Variants in USH1C observed in about 807,000 individuals in gnomAD.
USH1C encodes harmonin.
USH1C carries 90 observed loss-of-function variants against 119.3 expected under a neutral mutation model. The ratio of observed to expected loss-of-function variants is 0.75; its 90% CI spans 0.64 to 0.90. The LOEUF (loss-of-function observed/expected upper bound fraction) is 0.90, where lower values mean the gene tolerates loss of function less well. Ranked by LOEUF, USH1C falls within the 40% of genes least tolerant of loss-of-function variation. USH1C has a pLI of 0.00. For missense variants in USH1C, 1,165 were observed against 1,167.7 expected (o/e 1.00, Z 0.03); for synonymous variants, 465 against 443.3 (o/e 1.05, Z -0.62).
At chr11:17,543,730 G>T (rs1851572075) in intron 1 of USH1C, among the ~76,000 whole-genome samples, 1 of 152,056 alleles carries the variant, frequency 6.6e-6, no homozygotes, top group South Asian at 2.1e-4. Context: ...ACCGCACCCG[G>T]GTCAGCACCA....
chr11:17,496,675 G>T lies in USH1C; in HGVS notation c.2546+83C>A, dbSNP rs905789779. The T allele has an allele frequency of 2.6e-6, 4 of 1,556,348 alleles. No individual in the cohort carries two copies. In the African/African-American group the frequency reaches 5.4e-5, roughly 21 times the overall value. ...GGGCCATTCCTTCAGGCTGGGAGAA[G>T]GCTGGGGATGGGCTGGAGAAAGGTG... On this transcript the variant is annotated intron_variant, in intron 25 of 26. Transcript: ENST00000005226.
intron 19 of USH1C, among the ~76,000 whole-genome samples, chr11:17,505,068 G>C (rs1200861651): frequency 6.6e-6 from 1 of 152,252 alleles, no homozygotes; most frequent in African/African-American, 2.4e-5. Context: ...TGACATGACT[G>C]TCTTCTCACT....
rs144634009 is a variant in USH1C, at chr11:17,525,067, AT to A, written c.675-533del. 8.5e-3 allele frequency among the ~76,000 whole-genome samples: 1,291 copies of A among 152,294 alleles called. 41 individuals are homozygous for A. Among genetic ancestry groups the A allele is most frequent in the East Asian group, 0.061 (314 of 5,182 alleles). On this transcript the variant is annotated intron_variant, in intron 8 of 26. Transcript: ENST00000005226. ...GCTCTGTTCTCAGTGCTCCTATGAC[AT>A]TTACGGCAAGGATGGTACATGTACT...
chr11:17,501,056 C>T lies in USH1C; in HGVS notation c.2375G>A (p.Arg792Gln), dbSNP rs563952065. ...TGTGGCTAGTCTCCACTCACCATGC[C>T]GCTCAGCAGCTCCCCGCTCATACAC... ...SAVYERGAAE[R>Q]HGGIVKGDEI... is the part of the protein sequence containing the mutation. Residue 792 changes from arginine to glutamine, a missense_variant, in exon 23 of 27, where the codon CGG becomes CAG. By Grantham distance (43) the Arg-to-Gln change is conservative. Coordinates refer to ENST00000005226, the MANE Select transcript of USH1C (RefSeq NM_153676.4). The T allele has an allele frequency of 1.7e-5, 27 of 1,613,422 alleles. No individual in the cohort carries two copies. The highest frequency in any genetic ancestry group is 4.0e-5 in the African/African-American group (3 of 75,034).
chr11:17,526,186 G>A (rs530196348), intron 8 of USH1C, among the ~76,000 whole-genome samples, 161 bp downstream of exon 8: 22 of 152,322 alleles, frequency 1.4e-4, no homozygotes, highest in Non-Finnish European at 2.8e-4. Flanking sequence ...GGGCAACAGA[G>A]TCAGACCCTG....
chr11:17,517,518 T>C (rs1047680196), intron 14 of USH1C: 1 of 1,552,566 alleles, frequency 6.4e-7, no homozygotes, highest in Non-Finnish European at 8.7e-7. Context: ...CAAAAGGGAC[T>C]TGGGAGCCCA....
intron 14 of USH1C, among the ~76,000 whole-genome samples, chr11:17,516,898 G>T (rs1182020280): frequency 1.3e-5 from 2 of 152,130 alleles, no homozygotes; most frequent in African/African-American, 2.4e-5. Context: ...CCTCATCCAG[G>T]CCAGATAGCC....
chr11:17,517,499 C>T (rs1381396762), intron 14 of USH1C: 1 of 1,571,752 alleles, frequency 6.4e-7, no homozygotes, highest in Non-Finnish European at 8.6e-7. Flanking sequence ...GAGGAGGAAG[C>T]TGGTGAACCA....
Position 17,531,604 on chromosome 11 carries a change from A to T in USH1C, c.105-62T>A, listed in dbSNP as rs1850990337. 1.3e-6 allele frequency: 2 copies of T among 1,598,472 alleles called. No individual in the cohort carries two copies. The highest frequency in any genetic ancestry group is 3.4e-5 in the Admixed American group (2 of 58,908). On this transcript the variant is annotated intron_variant, in intron 2 of 26. Transcript: ENST00000005226. This position sits in a 1 kb window ranked among gnomAD's most constrained non-coding sequence, Gnocchi z 4.2. ...TGGCCATGACCTCAGGCACCCAGGG[A>T]TTCCAAGAGGAAGCCATTTCAGCCA...
Position 17,505,899 on chromosome 11 carries a change from GATGGTGGAC to G in USH1C, c.2055_2063del (p.Thr687_Ser689del). 2 of 1,614,226 alleles carry G rather than the reference GATGGTGGAC, an allele frequency of 1.2e-6. No individual in the cohort carries two copies. Among genetic ancestry groups the G allele is most frequent in the South Asian group, 2.2e-5 (2 of 91,078 alleles). ...CCTGGTGGACCATGACAGGTTTGGA[GATGGTGGAC>G]ACGCCAGGGCCTCGTGGAGGCTGTG... is the stretch of plus-strand genomic sequence containing the variant. On this transcript the variant is annotated inframe_deletion, in exon 19 of 27. Coordinates refer to ENST00000005226, the MANE Select transcript of USH1C (RefSeq NM_153676.4).
At chr11:17,536,584 G>A (rs984247912) in intron 1 of USH1C, among the ~76,000 whole-genome samples, 1 of 152,188 alleles carries the variant, frequency 6.6e-6, no homozygotes, top group South Asian at 2.1e-4. Context: ...GCTCCCAGAG[G>A]TCTCATCCTA....
Position 17,523,200 on chromosome 11 carries a change from T to C in USH1C, c.876+11A>G. ...GGTCAAGGGGCTCCCACCAGCTCAT[T>C]CTGGACTTACAGCTGCAGCTACAAT... On this transcript the variant is annotated intron_variant, in intron 11 of 26. Coordinates refer to ENST00000005226, the MANE Select transcript of USH1C (RefSeq NM_153676.4). 2 of 1,614,036 alleles carry C rather than the reference T, an allele frequency of 1.2e-6. No homozygotes were observed. Among genetic ancestry groups the C allele is most frequent in the Non-Finnish European group, 1.7e-6 (2 of 1,179,948 alleles).
intron 14 of USH1C, among the ~76,000 whole-genome samples, chr11:17,518,388 G>A (rs1850252744): frequency 6.6e-6 from 1 of 152,192 alleles, no homozygotes; most frequent in East Asian, 1.9e-4. Context: ...AGGGAGAGAA[G>A]GTTGGAGATG....
At chr11:17,533,547 A>T in intron 1 of USH1C, 1 of 632,892 alleles carries the variant, frequency 1.6e-6, no homozygotes, top group Non-Finnish European at 2.9e-6. Flanking sequence ...GCCCCTCCAG[A>T]TGTGGCCAGG....
intron 12 of USH1C, among the ~76,000 whole-genome samples, chr11:17,521,834 T>C (rs1850426531): frequency 1.3e-5 from 2 of 152,206 alleles, no homozygotes; most frequent in African/African-American, 4.8e-5. Flanking sequence ...TCAAAATACA[T>C]TAATTGATTG....
chr11:17,495,759 T>C, intron 25 of USH1C, 82 bp from the exon 26 acceptor site: 1 of 1,461,098 alleles, frequency 6.8e-7, no homozygotes. Flanking sequence ...CTCCTTTCAC[T>C]GGGCTCCTGC....
chr11:17,526,887 C>G (rs1229535331), intron 6 of USH1C, 77 bp from the exon 7 acceptor site: 3 of 1,590,018 alleles, frequency 1.9e-6, no homozygotes, highest in Non-Finnish European at 2.6e-6. Flanking sequence ...TCCAGATCCA[C>G]CATGTCTAGA....
At chr11:17,533,228 C>G (rs530012943) in intron 2 of USH1C, 27 bp downstream of exon 2, 2 of 1,603,358 alleles carry the variant, frequency 1.2e-6, no homozygotes. Context: ...CCAAGTGGCC[C>G]ACAAGAGCTG....
rs577279187 is a variant in USH1C, at chr11:17,524,442, G to A, written c.759+9C>T. ...GGGCCCCCACTGGGGCCGGCCCAGCGTCACTCACCTCCAATCCCACCTCAG... is the reference window on the plus strand; with the variant it reads ...GGGCCCCCACTGGGGCCGGCCCAGCATCACTCACCTCCAATCCCACCTCAG... On this transcript the variant is annotated intron_variant, in intron 9 of 26. Transcript: ENST00000005226. 33 of 1,567,706 alleles carry A rather than the reference G, an allele frequency of 2.1e-5. No homozygotes were observed. Among genetic ancestry groups the A allele is most frequent in the African/African-American group, 4.1e-5 (3 of 73,684 alleles).
Sources: gnomAD v4.1 joint callset for allele counts (sites outside exome capture counted in the v4.1 genomes callset) on GRCh38, gnomAD v4.1.1 for gene constraint, Gnocchi (gnomAD v3.1) non-coding constraint, MANE v1.5 for transcripts, NCBI Gene and HGNC (gene_info 2026-07-23, HGNC 2026-07-21) for gene names.